The following WDFY1 variants were observed in gnomAD, a reference collection of about 807,000 sequenced individuals.
WDFY1 encodes WD repeat and FYVE domain containing 1, also known as WD repeat and FYVE domain-containing protein 1.
In WDFY1, 32 loss-of-function variants were observed where a neutral mutation model predicts 56.4. The ratio of observed to expected loss-of-function variants is 0.57; its 90% confidence interval spans 0.43 to 0.76. The LOEUF is 0.76. Among genes scored for constraint, WDFY1 ranks in the 30% least tolerant of loss-of-function variants. The probability of loss-of-function intolerance (pLI) is 0.00; values close to 1 mark genes in which losing one functional copy is unlikely to be tolerated. For synonymous variants in WDFY1, 192 were observed against 197.3 expected (o/e 0.97, Z 0.23); for missense variants, 480 against 545.7 (o/e 0.88, Z 1.20).
intron 5 of WDFY1, 133 bp downstream of exon 5, chr2:223,901,050 T>C: frequency 1.8e-6 from 2 of 1,085,328 alleles, no homozygotes; most frequent in Non-Finnish European, 2.5e-6. Flanking sequence ...AAAAAAAAAA[T>C]GCAATTACTT....
chr2:223,893,600 G>A (rs1693314699), intron 8 of WDFY1, among the ~76,000 whole-genome samples: 1 of 151,992 alleles, frequency 6.6e-6, no homozygotes, highest in Non-Finnish European at 1.5e-5. Context: ...GAAGACAACT[G>A]AGAAGTCATT....
At position 223,895,617 on chromosome 2, in the gene WDFY1, G is replaced by A. The variant is rs1693353198; in HGVS notation, c.612C>T (p.Cys204=). 1 of 1,613,796 alleles carries A rather than the reference G, an allele frequency of 6.2e-7. No homozygotes were observed. The highest frequency in any genetic ancestry group is 1.3e-5 in the African/African-American group (1 of 74,870). The part of the protein sequence containing the change: ...TLKGHEGSVA[C]LWWDPIQRLL... ...ACCGCTGAATAGGGTCCCACCAGAG[G>A]CAGGCGACACTACCTAGGGATTTGT... The change falls in exon 7 of 12, where the codon TGC becomes TGT. Residue 204 remains cysteine (C), a synonymous_variant. Transcript: ENST00000233055.
rs777405798 is a variant in WDFY1, at chr2:223,901,310, T to C, written c.358A>G (p.Ile120Val). 1 of 1,614,070 alleles carries C rather than the reference T, an allele frequency of 6.2e-7. No individual in the cohort carries two copies. Among genetic ancestry groups the C allele is most frequent in the Non-Finnish European group, 8.5e-7 (1 of 1,180,000 alleles). Residue 120 changes from isoleucine (I) to valine (V), a missense_variant, in exon 5 of 12, where the codon ATT (isoleucine) becomes GTT (valine). Transcript: ENST00000233055. ...CACTCTGTGGCCAAGCTGAAGATAA[T>C]CGCAGACACCCGGTTCTGATGAGCT... ...YPAHQNRVSAIIFSLATEWVI... is the reference protein window; with the variant it reads ...YPAHQNRVSAVIFSLATEWVI...
rs776539013 is a variant in WDFY1 at position 223,901,322 on chromosome 2, G to A, written c.346C>T (p.Arg116Trp). ...AAGCTGAAGATAATCGCAGACACCC[G>A]GTTCTGATGAGCTGCAGGAACAGAA... ...FIKTYPAHQN[R>W]VSAIIFSLAT... Residue 116 changes from arginine (R) to tryptophan (W), a missense_variant, in exon 5 of 12, where the codon CGG (arginine) becomes TGG (tryptophan). Arg to Trp is a moderately radical substitution (Grantham distance 101). Transcript: ENST00000233055. 28 of 1,613,904 alleles carry A rather than the reference G, an allele frequency of 1.7e-5. No homozygotes were observed. The highest frequency in any genetic ancestry group is 2.2e-5 in the Non-Finnish European group (26 of 1,179,986).
intron 2 of WDFY1, among the ~76,000 whole-genome samples, chr2:223,913,101 TG>T (rs1559170384): frequency 6.8e-6 from 1 of 146,110 alleles, no homozygotes; most frequent in Non-Finnish European, 1.5e-5. Context: ...AAAAGACGGG[TG>T]GGTAGGGTGG....
chr2:223,931,195 C>T (rs1448971477), intron 1 of WDFY1, among the ~76,000 whole-genome samples: 1 of 152,178 alleles, frequency 6.6e-6, no homozygotes, highest in Non-Finnish European at 1.5e-5. Context: ...AATTGAAATA[C>T]AGGATTCCCA....
At chr2:223,920,372 T>C (rs1030450861) in intron 1 of WDFY1, among the ~76,000 whole-genome samples, 4 of 152,208 alleles carry the variant, frequency 2.6e-5, no homozygotes, top group Non-Finnish European at 5.9e-5. Context: ...GGATGTTCCC[T>C]GGTGGCCAAA....
rs1693453059 is a variant in WDFY1 at position 223,899,047 on chromosome 2, G to C, written c.509C>G (p.Ala170Gly). Residue 170 changes from alanine to glycine, a missense_variant, in exon 6 of 12, where the codon GCT (alanine) becomes GGT (glycine). Ala to Gly is a moderately conservative substitution (Grantham distance 60). Coordinates refer to ENST00000233055, the MANE Select transcript of WDFY1 (RefSeq NM_020830.5). ...CLQYDFDTQY[A>G]FVGDYSGQIT... ...CTGCCCAGAATAATCACCAACGAAA[G>C]CATACTGAGTGTCAAAGTCATATCT... 6.2e-7 allele frequency: 1 copy of C among 1,614,014 alleles called. No individual in the cohort carries two copies. Among genetic ancestry groups the C allele is most frequent in the Non-Finnish European group, 8.5e-7 (1 of 1,180,002 alleles).
chr2:223,921,597 A>AT lies in WDFY1; in HGVS notation c.138-3588dup, dbSNP rs112123098. On this transcript the variant is annotated intron_variant, in intron 1 of 11. Coordinates refer to ENST00000233055, the MANE Select transcript of WDFY1 (RefSeq NM_020830.5). ...ATAGATATTTGAGGATATTTTAAAG[A>AT]TTTTTTTTTTTTTGACAGGGTTTCG... 1.6e-3 allele frequency among the ~76,000 whole-genome samples: 233 copies of AT among 146,992 alleles called. 2 individuals are homozygous for AT. The highest frequency in any genetic ancestry group is 5.3e-3 in the East Asian group (27 of 5,064).
chr2:223,935,359 T>C (rs940430304), intron 1 of WDFY1, among the ~76,000 whole-genome samples: 3 of 152,204 alleles, frequency 2.0e-5, no homozygotes, highest in Non-Finnish European at 2.9e-5. Context: ...AAGTAGTATG[T>C]GGTTGACAAA....
intron 1 of WDFY1, among the ~76,000 whole-genome samples, chr2:223,943,765 T>C (rs1235907905): frequency 6.6e-6 from 1 of 152,220 alleles, no homozygotes; most frequent in African/African-American, 2.4e-5. Flanking sequence ...TCCAATCCAA[T>C]CACTCAGGCC....
intron 3 of WDFY1, among the ~76,000 whole-genome samples, chr2:223,907,482 A>T (rs918251774): frequency 7.2e-5 from 11 of 152,340 alleles, no homozygotes; most frequent in South Asian, 2.1e-4. Flanking sequence ...AACTAATGCT[A>T]AATTGGATTT....
chr2:223,895,672 G>A, intron 6 of WDFY1, 42 bp from the exon 7 acceptor site: 1 of 1,608,046 alleles, frequency 6.2e-7, no homozygotes, highest in Non-Finnish European at 8.5e-7. Flanking sequence ...AGGCAGGGGA[G>A]AAGTAAAATA....
intron 1 of WDFY1, among the ~76,000 whole-genome samples, chr2:223,937,073 G>C (rs781433252): frequency 6.8e-4 from 104 of 152,302 alleles, no homozygotes; most frequent in Non-Finnish European, 1.3e-3. Flanking sequence ...ACCCGATCTT[G>C]AGGATCTCAA....
At position 223,882,213 on chromosome 2, in the gene WDFY1, C is replaced by A. The variant is rs371355173; in HGVS notation, c.934-141G>T. 8.0e-6 allele frequency: 9 copies of A among 1,128,770 alleles called. 1 individual carries two copies. The African/African-American group carries it at 1.4e-4, about 18-fold the overall frequency. 69.9% of individuals were successfully genotyped at this position (1,128,770 alleles called of 1,614,324 possible). A position where few individuals can be genotyped will look rare whatever the true frequency, so the allele number is the denominator to read the frequency against. On this transcript the variant is annotated intron_variant, in intron 9 of 11. Transcript: ENST00000233055. ...CACTGCAACCTCTGGCGCCCGGGTT[C>A]TACCAATTCTCCTGCCTCAGCCTCC...
At chr2:223,899,844 T>C (rs1403839446) in intron 5 of WDFY1, among the ~76,000 whole-genome samples, 2 of 152,138 alleles carry the variant, frequency 1.3e-5, no homozygotes, top group Non-Finnish European at 1.5e-5. Context: ...TTATGAAATA[T>C]CTCTGAAAAT....
chr2:223,944,245 G>C (rs904794712), intron 1 of WDFY1, among the ~76,000 whole-genome samples: 50 of 152,290 alleles, frequency 3.3e-4, no homozygotes, highest in African/African-American at 1.0e-3. Flanking sequence ...AGCAAGCCCC[G>C]GGCACCAGGG....
At chr2:223,928,912 A>G (rs1296029203) in intron 1 of WDFY1, among the ~76,000 whole-genome samples, 1 of 152,160 alleles carries the variant, frequency 6.6e-6, no homozygotes, top group Non-Finnish European at 1.5e-5. Flanking sequence ...GGGGGGTGAG[A>G]GAGCCCCAGG....
intron 8 of WDFY1, among the ~76,000 whole-genome samples, chr2:223,886,781 T>C (rs897885099): frequency 2.1e-5 from 3 of 144,272 alleles, no homozygotes; most frequent in African/African-American, 7.6e-5. Context: ...TAACATTATA[T>C]ATGTGCAACA....
Sources: gnomAD v4.1 joint callset for allele counts (sites outside exome capture counted in the v4.1 genomes callset) on GRCh38, gnomAD v4.1.1 for gene constraint, MANE v1.5 for transcripts, NCBI Gene and HGNC (gene_info 2026-07-23, HGNC 2026-07-21) for gene names.